Variants in TMEM108 observed in about 807,000 individuals in gnomAD.
TMEM108 encodes cancer/testis antigen 124.
TMEM108 carries 12 observed loss-of-function variants against 35.1 expected under a neutral mutation model. That is an observed-to-expected ratio of 0.34 (90% confidence interval 0.22 to 0.55). The LOEUF is 0.55. Ranked by LOEUF, TMEM108 falls within the 20% of genes least tolerant of loss-of-function variation. The pLI is 0.89. For missense variants in TMEM108, 680 were observed against 753.3 expected (o/e 0.90, Z 1.14); for synonymous variants, 287 against 308.6 (o/e 0.93, Z 0.73).
chr3:133,379,814 A>G lies in TMEM108; in HGVS notation c.103A>G (p.Arg35Gly), dbSNP rs1028916806. 6.2e-6 allele frequency: 10 copies of G among 1,613,812 alleles called. No individual in the cohort carries two copies. The African/African-American group carries it at 1.3e-4, about 22-fold the overall frequency. Reference sequence around the variant, plus strand: ...ATTTGCCATCCAGGAACCATCTCCCAGGGAATCTCTTCAGGTCCTCCCTTC... The same window carrying G: ...ATTTGCCATCCAGGAACCATCTCCCGGGGAATCTCTTCAGGTCCTCCCTTC... ...LAFAIQEPSP[R>G]ESLQVLPSGT... Residue 35 changes from arginine (R) to glycine (G), a missense_variant, in exon 4 of 6, where the codon AGG becomes GGG. Physicochemically the swap from Arg to Gly is moderately radical, Grantham distance 125. This residue lies in a region of TMEM108 where 49 missense variants were observed against 70.6 expected (regional missense o/e 0.69). Transcript: ENST00000321871.
In TMEM108 at chr3:133,166,407, T is replaced by C. The variant is rs149285893; in HGVS notation, c.-46-62859T>C. On this transcript the variant is annotated intron_variant, in intron 2 of 5. Coordinates refer to ENST00000321871, the MANE Select transcript of TMEM108 (RefSeq NM_023943.4). ...TAAAGAGTTTTGTGTCCAAAATTGGTGGGTTCTTGGTCTCACTGACTTCAA... is the reference window on the plus strand; with the variant it reads ...TAAAGAGTTTTGTGTCCAAAATTGGCGGGTTCTTGGTCTCACTGACTTCAA... Among the ~76,000 whole-genome samples, 762 of 152,304 alleles carry C rather than the reference T, an allele frequency of 5.0e-3. 7 individuals carry two copies. Among genetic ancestry groups the C allele is most frequent in the African/African-American group, 0.017 (726 of 41,556 alleles).
Position 133,392,443 on chromosome 3 carries a change from G to A in TMEM108, c.1605+2109G>A, listed in dbSNP as rs375685369. On this transcript the variant is annotated intron_variant, in intron 5 of 5. Coordinates refer to ENST00000321871, the MANE Select transcript of TMEM108 (RefSeq NM_023943.4). The stretch of plus-strand genomic sequence containing the variant: ...CTCCCAAAGTGCTGGGATTATAGGC[G>A]TGAGCCACTGCCCCCAGTCACTTCT... Among the ~76,000 whole-genome samples, 76 of 152,248 alleles carry A rather than the reference G, an allele frequency of 5.0e-4. 1 individual carries two copies. In the South Asian group the frequency reaches 6.8e-3, roughly 14 times the overall value.
intron 2 of TMEM108, among the ~76,000 whole-genome samples, chr3:133,072,809 C>A (rs1943692053): frequency 6.6e-6 from 1 of 152,124 alleles, no homozygotes; most frequent in Admixed American, 6.6e-5. Context: ...AGCAGTCATG[C>A]CCTACCCCGT....
intron 3 of TMEM108, among the ~76,000 whole-genome samples, chr3:133,260,761 G>A (rs1321618928): frequency 2.0e-5 from 3 of 152,208 alleles, no homozygotes; most frequent in Non-Finnish European, 2.9e-5. Flanking sequence ...AGGAGTGGAA[G>A]CAGTGTTTCC....
intron 5 of TMEM108, among the ~76,000 whole-genome samples, chr3:133,395,221 C>T (rs2073288049): frequency 6.6e-6 from 1 of 152,196 alleles, no homozygotes; most frequent in Non-Finnish European, 1.5e-5. Context: ...ATTATGCAGT[C>T]ACACAGAGAT....
intron 3 of TMEM108, among the ~76,000 whole-genome samples, chr3:133,240,356 A>T (rs1276743329): frequency 6.6e-6 from 1 of 152,230 alleles, no homozygotes; most frequent in Non-Finnish European, 1.5e-5. Context: ...TTAGGTAGTG[A>T]TTTTAAATTT....
At chr3:133,074,589 A>G (rs1289980463) in intron 2 of TMEM108, among the ~76,000 whole-genome samples, 1 of 152,178 alleles carries the variant, frequency 6.6e-6, no homozygotes, top group Non-Finnish European at 1.5e-5. Flanking sequence ...TCCCAGGTTC[A>G]AGCGATTCTC....
At chr3:133,290,045 A>T (rs980476734) in intron 3 of TMEM108, among the ~76,000 whole-genome samples, 1 of 152,210 alleles carries the variant, frequency 6.6e-6, no homozygotes, top group Admixed American at 6.5e-5. Context: ...TGCCCCGATG[A>T]GTCTGCTGGG....
At chr3:133,047,715 G>C (rs764537717) in intron 2 of TMEM108, among the ~76,000 whole-genome samples, 2 of 151,828 alleles carry the variant, frequency 1.3e-5, no homozygotes, top group Non-Finnish European at 2.9e-5. Context: ...AAGGGATATA[G>C]TGATTCAATC....
intron 3 of TMEM108, among the ~76,000 whole-genome samples, chr3:133,266,844 G>A (rs769770689): frequency 1.7e-4 from 25 of 150,586 alleles, no homozygotes; most frequent in Admixed American, 8.6e-4. Context: ...AGGCTGAGGC[G>A]GGTGGATCAC....
chr3:133,086,145 C>G (rs1202524779), intron 2 of TMEM108, among the ~76,000 whole-genome samples: 1 of 152,226 alleles, frequency 6.6e-6, no homozygotes, highest in Non-Finnish European at 1.5e-5. Context: ...CAAATGTTAG[C>G]TGTCCTTTGT....
At chr3:133,316,878 TAGAC>T (rs143604843) in intron 3 of TMEM108, among the ~76,000 whole-genome samples, 2 of 152,224 alleles carry the variant, frequency 1.3e-5, no homozygotes, top group African/African-American at 2.4e-5. Context: ...TGAGTTGACA[TAGAC>T]AGAGCAGGAA....
In TMEM108 at chr3:133,215,530, A is replaced by G. The variant is rs769104564; in HGVS notation, c.-46-13736A>G. On this transcript the variant is annotated intron_variant, in intron 2 of 5. Transcript: ENST00000321871. ...ACTCTATGCGTGTCCACTAATGACCATGAAAGCATTGCAAGTATTTATTTT... is the reference window on the plus strand; with the variant it reads ...ACTCTATGCGTGTCCACTAATGACCGTGAAAGCATTGCAAGTATTTATTTT... Among the ~76,000 whole-genome samples, 17 of 152,292 alleles carry G rather than the reference A, an allele frequency of 1.1e-4. No homozygotes were observed. In the East Asian group the frequency reaches 3.3e-3, roughly 29 times the overall value.
intron 2 of TMEM108, among the ~76,000 whole-genome samples, chr3:133,180,027 TAAG>T (rs1474442482): frequency 1.3e-5 from 2 of 152,152 alleles, no homozygotes; most frequent in Admixed American, 6.6e-5. Context: ...AAAAGATAGT[TAAG>T]AAATTAATTT....
chr3:133,338,507 G>A (rs2071568242), intron 3 of TMEM108, among the ~76,000 whole-genome samples: 1 of 152,020 alleles, frequency 6.6e-6, no homozygotes, highest in African/African-American at 2.4e-5. Context: ...ACAAACAAAA[G>A]TTAAGGGATT....
At chr3:133,386,346 A>G in intron 4 of TMEM108, 1 of 1,504,758 alleles carries the variant, frequency 6.6e-7, no homozygotes, top group Non-Finnish European at 8.9e-7. Flanking sequence ...GGCCCGGGAA[A>G]GAGCAATTCA....
chr3:133,152,250 T>G (rs1944812649), intron 2 of TMEM108, among the ~76,000 whole-genome samples: 1 of 152,222 alleles, frequency 6.6e-6, no homozygotes, highest in Non-Finnish European at 1.5e-5. Flanking sequence ...CATATTCTTG[T>G]GCAAACAATT....
intron 3 of TMEM108, among the ~76,000 whole-genome samples, chr3:133,265,993 G>A (rs1946691520): frequency 1.3e-5 from 2 of 152,052 alleles, no homozygotes; most frequent in African/African-American, 2.4e-5. Context: ...CTAGGACAAA[G>A]GTTGTCTTTA....
At chr3:133,247,829 T>G (rs1194790739) in intron 3 of TMEM108, 1 of 152,012 alleles carries the variant, frequency 6.6e-6, no homozygotes, top group East Asian at 1.9e-4. Flanking sequence ...CCCAGGCCAG[T>G]GGAGAAAAAA....
Sources: allele counts gnomAD v4.1 joint callset (sites outside exome capture counted in the v4.1 genomes callset), GRCh38; gene constraint gnomAD v4.1.1; regional missense constraint gnomAD v4.1.1; transcripts MANE v1.5; gene names NCBI Gene and HGNC (gene_info 2026-07-23, HGNC 2026-07-21).